Variants in PCDH15 observed in about 807,000 individuals in gnomAD.
The protein encoded by PCDH15 is protocadherin related 15, also known as protocadherin-15.
Under a neutral mutation model 178.5 loss-of-function variants are expected in PCDH15, and 129 were observed. The observed-to-expected ratio is 0.72, with a 90% CI of 0.63 to 0.84. PCDH15 has a LOEUF of 0.84. PCDH15 is among the 40% of genes least tolerant of loss of function. The pLI, the probability that PCDH15 is intolerant of heterozygous loss-of-function variation, is 0.00. For synonymous variants in PCDH15, 800 were observed against 732.0 expected (o/e 1.09, Z -1.50); for missense variants, 2,230 against 2,099.9 (o/e 1.06, Z -1.21).
chr10:54,252,772 C>G (rs1275733987), intron 8 of PCDH15, among the ~76,000 whole-genome samples: 2 of 148,878 alleles, frequency 1.3e-5, no homozygotes, highest in African/African-American at 2.6e-5. Context: ...GAACTTTTCT[C>G]AGGATTTTTT....
At chr10:55,483,099 G>A (rs1840217593) in intron 2 of PCDH15, among the ~76,000 whole-genome samples, 1 of 151,600 alleles carries the variant, frequency 6.6e-6, no homozygotes, top group Admixed American at 6.6e-5. Context: ...TTATAAAGTT[G>A]CCAAAAGCAA....
chr10:55,623,809 A>G (rs1837463112), intron 2 of PCDH15, among the ~76,000 whole-genome samples: 1 of 151,554 alleles, frequency 6.6e-6, no homozygotes, highest in Non-Finnish European at 1.5e-5. Flanking sequence ...CATTGGCTTG[A>G]AGAAAAAAAG....
At chr10:55,293,314 C>G (rs1048486514) in intron 1 of PCDH15, among the ~76,000 whole-genome samples, 2 of 152,172 alleles carry the variant, frequency 1.3e-5, no homozygotes, top group African/African-American at 2.4e-5. Context: ...CCATTTTGTC[C>G]TCTTAGGCCT....
At chr10:54,217,650 C>T (rs1418111396) in intron 9 of PCDH15, among the ~76,000 whole-genome samples, 1 of 152,076 alleles carries the variant, frequency 6.6e-6, no homozygotes, top group African/African-American at 2.4e-5. Flanking sequence ...AAACAAAATG[C>T]ATACAACACA....
chr10:55,082,069 C>A (rs1351288885), intron 2 of PCDH15, among the ~76,000 whole-genome samples: 1 of 152,052 alleles, frequency 6.6e-6, no homozygotes, highest in African/African-American at 2.4e-5. Context: ...CGCTATAGAC[C>A]AAATGGACCT....
At chr10:55,562,644 A>G (rs1842224138) in intron 2 of PCDH15, among the ~76,000 whole-genome samples, 1 of 152,028 alleles carries the variant, frequency 6.6e-6, no homozygotes, top group African/African-American at 2.4e-5. Flanking sequence ...GCTCAGGAGT[A>G]TGCAGGCACC....
At chr10:54,271,996 G>A (rs1169994696) in intron 8 of PCDH15, among the ~76,000 whole-genome samples, 1 of 142,012 alleles carries the variant, frequency 7.0e-6, no homozygotes, top group South Asian at 2.2e-4. Flanking sequence ...ACATATATAT[G>A]ATATATATAT....
intron 2 of PCDH15, among the ~76,000 whole-genome samples, chr10:55,618,663 CAT>C (rs968702032): frequency 6.6e-6 from 1 of 152,004 alleles, no homozygotes; most frequent in African/African-American, 2.4e-5. Flanking sequence ...TTGTGATACT[CAT>C]GTGGTATTAG....
At chr10:55,574,373 A>T (rs1204669769) in intron 2 of PCDH15, among the ~76,000 whole-genome samples, 1 of 152,044 alleles carries the variant, frequency 6.6e-6, no homozygotes, top group Non-Finnish European at 1.5e-5. Flanking sequence ...TCTAGAGACC[A>T]GGACATAGAT....
chr10:55,185,337 T>C (rs1308469098), intron 1 of PCDH15, among the ~76,000 whole-genome samples: 3 of 151,806 alleles, frequency 2.0e-5, no homozygotes, highest in Non-Finnish European at 3.0e-5. Flanking sequence ...TTGTAAATGA[T>C]GTTGCATGTC....
intron 23 of PCDH15, 130 bp downstream of exon 23, chr10:53,959,602 G>A: frequency 1.5e-6 from 1 of 669,302 alleles, no homozygotes; most frequent in Non-Finnish European, 2.7e-6. Context: ...TATATTTTAT[G>A]TTAATTTAGA....
chr10:53,961,818 C>G lies in PCDH15; in HGVS notation c.2943G>C (p.Val981=). 6.2e-7 allele frequency: 1 copy of G among 1,611,520 alleles called. No individual in the cohort carries two copies. Among genetic ancestry groups the G allele is most frequent in the Non-Finnish European group, 8.5e-7 (1 of 1,178,134 alleles). ...TTATTACTCTTCCAGAATCTTCTTC[C>G]ACTTCAAAAATACTGGCAGGGTAAG... ...QFPYPASIFE[V]EEDSGRVITR... Residue 981 remains valine, a synonymous_variant, in exon 22 of 38, where the codon GTG becomes GTC. Coordinates refer to ENST00000644397, the MANE Select transcript of PCDH15 (RefSeq NM_001384140.1).
At chr10:54,583,195 A>T (rs931363125) in intron 2 of PCDH15, among the ~76,000 whole-genome samples, 1 of 152,152 alleles carries the variant, frequency 6.6e-6, no homozygotes, top group African/African-American at 2.4e-5. Context: ...AAATAAAATT[A>T]TACCCTTGAA....
Position 55,609,013 on chromosome 10 carries a change from T to TACAC in PCDH15, c.-156+18611_-156+18612insGTGT, listed in dbSNP as rs1173892476. ...GGACTATACATATATGTTATATATA[T>TACAC]ATACACACACACACACACACACACA... On this transcript the variant is annotated intron_variant, in intron 2 of 5. Transcript: ENST00000613346. Among the ~76,000 whole-genome samples, 28 of 146,700 alleles carry TACAC rather than the reference T, an allele frequency of 1.9e-4. No individual in the cohort carries two copies. The South Asian group carries it at 2.6e-3, about 14-fold the overall frequency.
chr10:55,505,190 A>G (rs1236304441), intron 2 of PCDH15, among the ~76,000 whole-genome samples: 1 of 151,562 alleles, frequency 6.6e-6, no homozygotes, highest in East Asian at 1.9e-4. Flanking sequence ...GGTTTATACA[A>G]GAGTTAGGGC....
intron 3 of PCDH15, among the ~76,000 whole-genome samples, chr10:54,836,175 G>A (rs897086316): frequency 6.6e-6 from 1 of 152,156 alleles, no homozygotes; most frequent in Non-Finnish European, 1.5e-5. Flanking sequence ...AGAGTTAGTG[G>A]AGAGGGATGA....
intron 18 of PCDH15, among the ~76,000 whole-genome samples, chr10:54,037,614 T>C (rs1444483860): frequency 2.6e-5 from 4 of 152,018 alleles, no homozygotes; most frequent in Non-Finnish European, 5.9e-5. Flanking sequence ...AATATTTATA[T>C]GCACTGGGAA....
At chr10:54,246,797 T>C (rs1057094276) in intron 8 of PCDH15, among the ~76,000 whole-genome samples, 1 of 151,962 alleles carries the variant, frequency 6.6e-6, no homozygotes, top group Non-Finnish European at 1.5e-5. Context: ...AGTAGGAGAA[T>C]TCTAACTCTT....
At chr10:55,041,157 T>A (rs192245101) in intron 2 of PCDH15, among the ~76,000 whole-genome samples, 3 of 152,296 alleles carry the variant, frequency 2.0e-5, no homozygotes, top group Admixed American at 1.3e-4. Context: ...CCAATATGAC[T>A]AAAGGCATTT....
Sources: gnomAD v4.1 joint callset for allele counts (sites outside exome capture counted in the v4.1 genomes callset) on GRCh38, gnomAD v4.1.1 for gene constraint, MANE v1.5 for transcripts, NCBI Gene and HGNC (gene_info 2026-07-23, HGNC 2026-07-21) for gene names.